Variants in RTRAF observed in about 807,000 individuals in gnomAD.
RTRAF encodes tRNA-splicing ligase complex subunit RTRAF.
Under a neutral mutation model 34.4 loss-of-function variants are expected in RTRAF, and 14 were observed. The ratio of observed to expected loss-of-function variants is 0.41; its 90% CI spans 0.27 to 0.64. The LOEUF is 0.64. Among genes scored for constraint, RTRAF ranks in the 30% least tolerant of loss-of-function variants. The pLI is 0.34. For missense variants in RTRAF, 291 were observed against 288.4 expected, an observed-to-expected ratio of 1.01 and a Z score of -0.06; for synonymous variants, 96 against 95.3, an observed-to-expected ratio of 1.01 and a Z score of -0.04.
Position 52,007,400 on chromosome 14 carries a change from T to C in RTRAF, c.*2884T>C. ...AAATGTAGGTTGCTAATACCCATGT[T>C]ATTACTGAAGGAAGCTACCCTGCTA... On this transcript the variant is annotated 3_prime_UTR_variant, in exon 8 of 8. Transcript: ENST00000261700. 1 of 202,212 alleles carries C rather than the reference T, an allele frequency of 4.9e-6. No individual in the cohort carries two copies. Among genetic ancestry groups the C allele is most frequent in the South Asian group, 8.7e-5 (1 of 11,474 alleles). The allele number at this position is 202,212 out of a possible 1,614,324, so 12.5% of individuals were successfully genotyped here.
intron 3 of RTRAF, among the ~76,000 whole-genome samples, chr14:51,996,497 T>A (rs1305298799): frequency 2.0e-5 from 3 of 152,102 alleles, no homozygotes; most frequent in Admixed American, 1.3e-4. Context: ...TGAAATTTTT[T>A]AAATGTATAA....
intron 4 of RTRAF, among the ~76,000 whole-genome samples, chr14:51,998,885 C>G (rs907146598): frequency 1.3e-5 from 2 of 151,860 alleles, no homozygotes; most frequent in African/African-American, 2.4e-5. Context: ...AATCCAATGA[C>G]TCTATCAGAC....
rs1332608246 is a variant in RTRAF at position 52,005,246 on chromosome 14, GTTAAAATTCTGTTACCTTT to G, written c.*736_*754del. 2.4e-5 allele frequency: 9 copies of G among 380,064 alleles called. No homozygotes were observed. Among genetic ancestry groups the G allele is most frequent in the African/African-American group, 1.9e-4 (9 of 48,104 alleles). The allele number at this position is 380,064 out of a possible 1,614,324, so 23.5% of individuals were successfully genotyped here. A position where few individuals can be genotyped will look rare whatever the true frequency, so the allele number is the denominator to read the frequency against. ...CAAGAAGTTGCTTTAATAAGCAACA[GTTAAAATTCTGTTACCTTT>G]TTAAACTTGCAATAACAACCTTCAT... On this transcript the variant is annotated 3_prime_UTR_variant, in exon 8 of 8. Transcript: ENST00000261700.
rs1890559199 is a variant in RTRAF at position 51,998,665 on chromosome 14, A to G, written c.373+85A>G. The G allele has an allele frequency of 1.6e-5, 13 of 821,730 alleles. No individual in the cohort carries two copies. The South Asian group carries it at 2.2e-4, about 14-fold the overall frequency. The allele number at this position is 821,730 out of a possible 1,614,324, so 50.9% of individuals were successfully genotyped here. A position where few individuals can be genotyped will look rare whatever the true frequency, so the allele number is the denominator to read the frequency against. ...TCTTTGAAGAATGAAGTCCAGGTTTACTTGGTTTTAGTAAATTTAGAAGGA... is the reference window on the plus strand; with the variant it reads ...TCTTTGAAGAATGAAGTCCAGGTTTGCTTGGTTTTAGTAAATTTAGAAGGA... On this transcript the variant is annotated intron_variant, in intron 4 of 7. Coordinates refer to ENST00000261700, the MANE Select transcript of RTRAF (RefSeq NM_016039.3).
chr14:51,993,800 T>C lies in RTRAF; in HGVS notation c.264T>C (p.Val88=). 2 of 1,590,342 alleles carry C rather than the reference T, an allele frequency of 1.3e-6. No homozygotes were observed. The highest frequency in any genetic ancestry group is 1.7e-6 in the Non-Finnish European group (2 of 1,165,354). ...TTGACTGGCTTCTTGGTTTAGCTGT[T>C]AGACTTGAATATGGAGATAATGGTA... ...EAIDWLLGLA[V]RLEYGDNAEK... The change falls in exon 3 of 8, where the codon GTT becomes GTC. Residue 88 remains valine, a synonymous_variant. Coordinates refer to ENST00000261700, the MANE Select transcript of RTRAF (RefSeq NM_016039.3).
At position 52,007,977 on chromosome 14, in the gene RTRAF, A is replaced by G. The variant is rs1417239052; in HGVS notation, c.*3461A>G. 2 of 1,591,796 alleles carry G rather than the reference A, an allele frequency of 1.3e-6. No individual in the cohort carries two copies. The highest frequency in any genetic ancestry group is 2.3e-5 in the South Asian group (2 of 87,350). On this transcript the variant is annotated 3_prime_UTR_variant, in exon 8 of 8. Coordinates refer to ENST00000261700, the MANE Select transcript of RTRAF (RefSeq NM_016039.3). Reference sequence around the variant, plus strand: ...TGTCCAGTACAAGTTGCTGTAAGTTAAAAATCAAGATTGTAAAAGAATAGC... The same window carrying G: ...TGTCCAGTACAAGTTGCTGTAAGTTGAAAATCAAGATTGTAAAAGAATAGC...
rs1594996159 is a variant in RTRAF at position 52,008,277 on chromosome 14, C to CTG, written c.*3762_*3763dup. 4.2e-6 allele frequency: 1 copy of CTG among 236,122 alleles called. No homozygotes were observed. Among genetic ancestry groups the CTG allele is most frequent in the African/African-American group, 2.3e-5 (1 of 43,936 alleles). 14.6% of individuals were successfully genotyped at this position (236,122 alleles called of 1,614,324 possible). On this transcript the variant is annotated 3_prime_UTR_variant, in exon 8 of 8. Transcript: ENST00000261700. ...GTAAAGGGGAACATGTGCCAAGGAA[C>CTG]TGATGTCCTTGAGGGCTGTTGGCCA...
At chr14:51,999,527 C>G (rs1047637920) in intron 4 of RTRAF, 181 bp from the exon 5 acceptor site, 8 of 495,584 alleles carry the variant, frequency 1.6e-5, no homozygotes, top group Non-Finnish European at 2.2e-5. Flanking sequence ...TTTATCTTAC[C>G]AATTTATTTA....
rs994397991 is a variant in RTRAF, at chr14:51,991,339, C to T, written c.84C>T (p.Phe28=). 3 of 1,613,278 alleles carry T rather than the reference C, an allele frequency of 1.9e-6. No individual in the cohort carries two copies. The highest frequency in any genetic ancestry group is 4.5e-5 in the East Asian group (2 of 44,812). The change falls in exon 2 of 8, where the codon TTC becomes TTT. Residue 28 remains phenylalanine (F), a synonymous_variant. Coordinates refer to ENST00000261700, the MANE Select transcript of RTRAF (RefSeq NM_016039.3). ...NCKDETEFRN[F]IVWLEDQKIR... Reference sequence around the variant, plus strand: ...CAGATGAAACAGAATTTAGAAACTTCATCGTTTGGCTTGAAGACCAGAAAA... The same window carrying T: ...CAGATGAAACAGAATTTAGAAACTTTATCGTTTGGCTTGAAGACCAGAAAA...
chr14:52,001,726 C>T (rs972815201), intron 5 of RTRAF, 72 bp from the exon 6 acceptor site: 2 of 1,178,222 alleles, frequency 1.7e-6, no homozygotes, highest in Non-Finnish European at 1.2e-6. Context: ...CATCCTTATT[C>T]TCTGGGCTCA....
chr14:52,000,122 G>A (rs1151571), intron 5 of RTRAF, among the ~76,000 whole-genome samples: 1,533 of 152,176 alleles, frequency 0.01, 28 homozygotes, highest in African/African-American at 0.035. Flanking sequence ...GAAAATGACA[G>A]AGCCAGGATT....
Position 52,004,667 on chromosome 14 carries a change from T to TTTTC in RTRAF, c.*155_*158dup, listed in dbSNP as rs914262664. 26 of 655,522 alleles carry TTTTC rather than the reference T, an allele frequency of 4.0e-5. No individual in the cohort carries two copies. Among genetic ancestry groups the TTTTC allele is most frequent in the Admixed American group, 3.5e-5 (1 of 28,822 alleles). 40.6% of individuals were successfully genotyped at this position (655,522 alleles called of 1,614,324 possible). On this transcript the variant is annotated 3_prime_UTR_variant, in exon 8 of 8. Transcript: ENST00000261700. ...GATTTACCACCATTGCTTATTGCTT[T>TTTTC]TTTCTTTAATAAAGTTTAGGAAAGT...
intron 3 of RTRAF, among the ~76,000 whole-genome samples, chr14:51,996,763 A>G (rs1248484823): frequency 6.6e-6 from 1 of 152,030 alleles, no homozygotes. Context: ...TATCTTTGAT[A>G]TACTATTATT....
chr14:52,004,343 T>G lies in RTRAF; in HGVS notation c.581-19T>G, dbSNP rs774875156. The G allele has an allele frequency of 9.3e-6, 15 of 1,612,340 alleles. No homozygotes were observed. Among genetic ancestry groups the G allele is most frequent in the Middle Eastern group, 1.6e-4 (1 of 6,064 alleles). ...GTAAAAATTATGTATTGAAGCAGTG[T>G]TCTTTTCTCATAAAACAGATGCAGT... On this transcript the variant is annotated intron_variant, in intron 7 of 7. Coordinates refer to ENST00000261700, the MANE Select transcript of RTRAF (RefSeq NM_016039.3).
At chr14:51,991,758 C>A (rs1055680831) in intron 2 of RTRAF, among the ~76,000 whole-genome samples, 1 of 152,120 alleles carries the variant, frequency 6.6e-6, no homozygotes, top group African/African-American at 2.4e-5. Flanking sequence ...AAACACAGTA[C>A]TATTTCTTAT....
At chr14:51,997,299 T>A (rs891938370) in intron 3 of RTRAF, among the ~76,000 whole-genome samples, 1 of 151,834 alleles carries the variant, frequency 6.6e-6, no homozygotes, top group Non-Finnish European at 1.5e-5. Flanking sequence ...AATTTCATCA[T>A]TTTTTCTACA....
Position 52,009,434 on chromosome 14 carries a change from C to T in RTRAF, c.*4918C>T, listed in dbSNP as rs1594997688. 6.6e-6 allele frequency: 1 copy of T among 152,156 alleles called. No homozygotes were observed. The highest frequency in any genetic ancestry group is 1.5e-5 in the Non-Finnish European group (1 of 68,044). 9.4% of individuals were successfully genotyped at this position (152,156 alleles called of 1,614,324 possible). A position where few individuals can be genotyped will look rare whatever the true frequency, so the allele number is the denominator to read the frequency against. On this transcript the variant is annotated 3_prime_UTR_variant, in exon 8 of 8. Coordinates refer to ENST00000261700, the MANE Select transcript of RTRAF (RefSeq NM_016039.3). ...GAAATATGCAGGAAGGCTTGACAAC[C>T]ATTCTGTTACGCAGTTGAAGGAGAT...
intron 3 of RTRAF, among the ~76,000 whole-genome samples, chr14:51,995,811 A>C (rs1156310681): frequency 7.0e-6 from 1 of 143,798 alleles, no homozygotes; most frequent in Non-Finnish European, 1.5e-5. Context: ...CATTTAATTT[A>C]AAAAAAAAAA....
rs1488184998 is a variant in RTRAF at position 52,009,305 on chromosome 14, CAACAAT to C, written c.*4792_*4797del. ...CCCCAAAATGATTTAATATCATCAA[CAACAAT>C]AAGTCTGAAACAAGCTCACACAGAT... On this transcript the variant is annotated 3_prime_UTR_variant, in exon 8 of 8. Transcript: ENST00000261700. 2 of 152,150 alleles carry C rather than the reference CAACAAT, an allele frequency of 1.3e-5. No homozygotes were observed. The highest frequency in any genetic ancestry group is 4.8e-5 in the African/African-American group (2 of 41,418). 9.4% of individuals were successfully genotyped at this position (152,150 alleles called of 1,614,324 possible). A position where few individuals can be genotyped will look rare whatever the true frequency, so the allele number is the denominator to read the frequency against.
Sources: gnomAD v4.1 joint callset for allele counts (sites outside exome capture counted in the v4.1 genomes callset) on GRCh38, gnomAD v4.1.1 for gene constraint, MANE v1.5 for transcripts, NCBI Gene and HGNC (gene_info 2026-07-23, HGNC 2026-07-21) for gene names.